IL1RAPL2: variants seen among roughly 807,000 people sequenced by gnomAD.
IL1RAPL2 encodes interleukin 1 receptor accessory protein like 2.
A neutral mutation model predicts 44.1 loss-of-function variants in IL1RAPL2; 3 were observed. The observed-to-expected ratio is 0.07, with a 90% CI of 0.03 to 0.18. The LOEUF (loss-of-function observed/expected upper bound fraction) is 0.18. IL1RAPL2 is among the 10% of genes least tolerant of loss of function. IL1RAPL2 has a pLI of 1.00. For missense variants in IL1RAPL2, 391 were observed against 496.4 expected, an observed-to-expected ratio of 0.79 and a Z score of 2.02; for synonymous variants, 181 against 178.8, an observed-to-expected ratio of 1.01 and a Z score of -0.10.
At chrX:105,749,207 G>A in intron 9 of IL1RAPL2, 104 bp downstream of exon 9, 1 of 792,483 alleles carries the variant, frequency 1.3e-6, no homozygotes. Flanking sequence ...ATATTTAGGG[G>A]TAAAGGGCTA....
chrX:105,285,145 A>G (rs1418155833), intron 5 of IL1RAPL2, among the ~76,000 whole-genome samples: 1 of 110,863 alleles, frequency 9.0e-6, no homozygotes, highest in African/African-American at 3.3e-5. Context: ...TCTTTCTCCT[A>G]TTTTCTCATT....
chrX:104,702,925 C>A, intron 2 of IL1RAPL2, among the ~76,000 whole-genome samples: 1 of 111,437 alleles, frequency 9.0e-6, no homozygotes, highest in Non-Finnish European at 1.9e-5. Context: ...GGGAAGTTGA[C>A]AGGCCTGAAT....
intron 1 of IL1RAPL2, among the ~76,000 whole-genome samples, chrX:104,648,987 T>C (rs1238996907): frequency 9.0e-6 from 1 of 111,538 alleles, no homozygotes; most frequent in Non-Finnish European, 1.9e-5. Flanking sequence ...CAATGTTTCA[T>C]CACTCACTAT....
chrX:105,617,308 A>G (rs1177124157), intron 6 of IL1RAPL2, among the ~76,000 whole-genome samples: 2 of 110,773 alleles, frequency 1.8e-5, no homozygotes, highest in South Asian at 3.9e-4. Flanking sequence ...CGAGCTACTC[A>G]AGATGATACT....
chrX:104,889,574 C>T (rs761887179), intron 2 of IL1RAPL2, among the ~76,000 whole-genome samples: 29 of 111,543 alleles, frequency 2.6e-4, no homozygotes, highest in Non-Finnish European at 5.1e-4. Context: ...CCAACATTAA[C>T]ATTGCCCCAG....
At chrX:104,761,625 G>A (rs759842126) in intron 2 of IL1RAPL2, among the ~76,000 whole-genome samples, 43 of 111,628 alleles carry the variant, frequency 3.9e-4, no homozygotes, top group African/African-American at 1.4e-3. Context: ...CTGACACAAG[G>A]CAAGTCCCTT....
intron 2 of IL1RAPL2, among the ~76,000 whole-genome samples, chrX:104,854,212 C>T (rs1922300525): frequency 1.8e-5 from 2 of 111,653 alleles, no homozygotes; most frequent in African/African-American, 6.5e-5. Flanking sequence ...AGTTACTTAA[C>T]TCAGGTCTTA....
chrX:105,370,836 C>A (rs148683490), intron 5 of IL1RAPL2, among the ~76,000 whole-genome samples: 1 of 112,253 alleles, frequency 8.9e-6, no homozygotes, highest in East Asian at 2.8e-4. Flanking sequence ...TGGCTTTCCA[C>A]GTGGGATTTA....
intron 1 of IL1RAPL2, among the ~76,000 whole-genome samples, chrX:104,653,923 T>C (rs141987518): frequency 0.024 from 2,691 of 111,249 alleles, 76 homozygotes; most frequent in African/African-American, 0.081. Flanking sequence ...CTTGAATTTA[T>C]CATGAGCCCA....
chrX:104,635,602 A>G (rs1929781815), intron 1 of IL1RAPL2, among the ~76,000 whole-genome samples: 2 of 111,555 alleles, frequency 1.8e-5, no homozygotes, highest in Admixed American at 1.9e-4. Context: ...TTGATCTTCC[A>G]TCACTGATAC....
intron 6 of IL1RAPL2, among the ~76,000 whole-genome samples, chrX:105,688,146 C>G (rs1322688629): frequency 9.0e-6 from 1 of 111,687 alleles, no homozygotes; most frequent in Non-Finnish European, 1.9e-5. Context: ...GAAGCATTCC[C>G]TTTGAAAACC....
intron 10 of IL1RAPL2, among the ~76,000 whole-genome samples, chrX:105,761,189 A>G (rs1284234970): frequency 1.9e-5 from 2 of 105,578 alleles, no homozygotes; most frequent in Admixed American, 1.0e-4. Context: ...AAAAAAAAAA[A>G]AAAAAGAAAA....
chrX:104,582,731 C>CCCCT (rs1556437374), intron 1 of IL1RAPL2, among the ~76,000 whole-genome samples: 1 of 76,997 alleles, frequency 1.3e-5, no homozygotes. Context: ...CTCTCTCTCT[C>CCCCT]CCTTCCTTCC....
At chrX:105,352,894 T>G (rs2035167850) in intron 5 of IL1RAPL2, among the ~76,000 whole-genome samples, 1 of 109,026 alleles carries the variant, frequency 9.2e-6, no homozygotes, top group Non-Finnish European at 1.9e-5. Flanking sequence ...CTGTTCACTC[T>G]GATGGTAGTT....
At chrX:105,025,397 T>C (rs1217602265) in intron 2 of IL1RAPL2, among the ~76,000 whole-genome samples, 1 of 111,719 alleles carries the variant, frequency 9.0e-6, no homozygotes, top group Non-Finnish European at 1.9e-5. Context: ...TGCTATACTC[T>C]CCTCAAAGTA....
chrX:104,762,236 T>TCCACC (rs1932473143), intron 2 of IL1RAPL2, among the ~76,000 whole-genome samples: 4 of 110,467 alleles, frequency 3.6e-5, no homozygotes, highest in Non-Finnish European at 7.6e-5. Context: ...TGACCTCAGG[T>TCCACC]GATCCACCTG....
At chrX:105,062,892 T>C (rs1483785861) in intron 2 of IL1RAPL2, among the ~76,000 whole-genome samples, 2 of 111,275 alleles carry the variant, frequency 1.8e-5, no homozygotes, top group African/African-American at 6.5e-5. Context: ...GGTAGTTTGA[T>C]TATTAAATGT....
At position 104,668,071 on chromosome X, in the gene IL1RAPL2, A is replaced by G. The variant is rs778000113; in HGVS notation, c.82+9076A>G. 1.4e-4 allele frequency among the ~76,000 whole-genome samples: 16 copies of G among 111,172 alleles called. No individual in the cohort carries two copies. The South Asian group carries it at 6.1e-3, about 42-fold the overall frequency. ...AATATGTGGATGCATAAAGTGCAGG[A>G]TATTTTTGAATATCAAGTGGCCTAA... On this transcript the variant is annotated intron_variant, in intron 2 of 10. Transcript: ENST00000372582.
chrX:104,915,508 T>C (rs1303320456), intron 2 of IL1RAPL2, among the ~76,000 whole-genome samples: 3 of 111,290 alleles, frequency 2.7e-5, no homozygotes, highest in Non-Finnish European at 5.7e-5. Flanking sequence ...TTTTTTCCCA[T>C]TCTGTAGGTT....
Sources: allele counts gnomAD v4.1 joint callset (sites outside exome capture counted in the v4.1 genomes callset), GRCh38; gene constraint gnomAD v4.1.1; transcripts MANE v1.5; gene names NCBI Gene and HGNC (gene_info 2026-07-23, HGNC 2026-07-21).